The following ADAMTS7 variants were observed in gnomAD, a reference collection of about 807,000 sequenced individuals.
ADAMTS7 encodes A disintegrin and metalloproteinase with thrombospondin motifs 7.
A neutral mutation model predicts 172.6 loss-of-function variants in ADAMTS7; 89 were observed. The ratio of observed to expected loss-of-function variants is 0.52; its 90% CI spans 0.43 to 0.61. The LOEUF (loss-of-function observed/expected upper bound fraction) is 0.61, where lower values mean the gene tolerates loss of function less well. Ranked by LOEUF, ADAMTS7 falls within the 20% of genes least tolerant of loss-of-function variation. The probability of loss-of-function intolerance (pLI) is 0.00; values close to 1 mark genes in which losing one functional copy is unlikely to be tolerated. For missense variants in ADAMTS7, 1,973 were observed against 2,355.6 expected (o/e 0.84, Z 3.36); for synonymous variants, 885 against 978.4 (o/e 0.90, Z 1.78).
Position 78,773,269 on chromosome 15 carries a change from G to A in ADAMTS7, c.2011-66C>T. 2.9e-6 allele frequency: 4 copies of A among 1,369,770 alleles called. No individual in the cohort carries two copies. The South Asian group carries it at 5.2e-5, about 18-fold the overall frequency. 84.9% of individuals were successfully genotyped at this position (1,369,770 alleles called of 1,614,324 possible). On this transcript the variant is annotated intron_variant, in intron 13 of 23. Transcript: ENST00000388820. ...CAGCCCTCTGTGGCCCCAGCCCCGG[G>A]GCCAGCCAGAGTCAGGAGAAGAAAG...
chr15:78,767,733 A>G, intron 17 of ADAMTS7, 141 bp from the exon 18 acceptor site: 1 of 785,798 alleles, frequency 1.3e-6, no homozygotes, highest in Non-Finnish European at 2.0e-6. Context: ...GATTCTCCAG[A>G]GCTCCAAGCT....
intron 9 of ADAMTS7, 189 bp from the exon 10 acceptor site, chr15:78,777,030 G>A (rs1011978811): frequency 4.0e-5 from 24 of 599,854 alleles, no homozygotes; most frequent in Middle Eastern, 4.5e-4. Context: ...GGTGTGGGGC[G>A]CCCGGGGCTG....
chr15:78,786,368 T>C (rs1320411792), intron 8 of ADAMTS7, among the ~76,000 whole-genome samples: 4 of 152,186 alleles, frequency 2.6e-5, no homozygotes, highest in Non-Finnish European at 5.9e-5. Context: ...TCAGAACCTA[T>C]AATGTGTAGG....
intron 4 of ADAMTS7, among the ~76,000 whole-genome samples, chr15:78,795,433 T>C (rs1444530824): frequency 1.3e-5 from 2 of 152,118 alleles, no homozygotes; most frequent in African/African-American, 4.8e-5. Flanking sequence ...AGGACTCAAG[T>C]AGTGGGGACG....
In ADAMTS7 at chr15:78,771,405, A is replaced by AG; in HGVS notation, c.2377-103_2377-102insC. 1 of 1,579,408 alleles carries AG rather than the reference A, an allele frequency of 6.3e-7. No individual in the cohort carries two copies. The highest frequency in any genetic ancestry group is 1.7e-4 in the Middle Eastern group (1 of 6,008). On this transcript the variant is annotated intron_variant, in intron 15 of 23. Coordinates refer to ENST00000388820, the MANE Select transcript of ADAMTS7 (RefSeq NM_014272.5). This position sits in a 1 kb window ranked among gnomAD's most constrained non-coding sequence, Gnocchi z 4.9. Reference sequence around the variant, plus strand: ...CACCTCTGTGAACTGCAGCTACAAGATTGGGCCATTTTAAAGATGGGGAAA... The same window carrying AG: ...CACCTCTGTGAACTGCAGCTACAAGAGTTGGGCCATTTTAAAGATGGGGAAA...
At chr15:78,789,160 G>A (rs1188939679) in intron 7 of ADAMTS7, among the ~76,000 whole-genome samples, 1 of 152,356 alleles carries the variant, frequency 6.6e-6, no homozygotes, top group East Asian at 1.9e-4. Context: ...CTAAGATGCT[G>A]CCATATTCGC....
At chr15:78,764,422 C>T (rs761928761) in intron 20 of ADAMTS7, 133 bp downstream of exon 20, 11 of 1,221,838 alleles carry the variant, frequency 9.0e-6, no homozygotes, top group African/African-American at 3.1e-5. Flanking sequence ...ATTCAGAATC[C>T]GGTGTGATCG....
intron 23 of ADAMTS7, 64 bp downstream of exon 23, chr15:78,762,339 A>G (rs1035186833): frequency 1.5e-6 from 2 of 1,345,784 alleles, no homozygotes; most frequent in Non-Finnish European, 1.9e-6. Context: ...TGACGACCCC[A>G]TTTCCCCATC....
At chr15:78,806,078 T>C (rs1235073222) in intron 1 of ADAMTS7, among the ~76,000 whole-genome samples, 1 of 89,448 alleles carries the variant, frequency 1.1e-5, no homozygotes, top group African/African-American at 5.4e-5. Flanking sequence ...AGACTCTGAC[T>C]CCCCCCCCCA....
intron 8 of ADAMTS7, among the ~76,000 whole-genome samples, chr15:78,782,175 C>T (rs569703652): frequency 9.9e-5 from 15 of 152,156 alleles, no homozygotes; most frequent in East Asian, 5.8e-4. Context: ...GGATTATAGG[C>T]GTGCACCACC....
chr15:78,801,272 G>T (rs2055722083), intron 1 of ADAMTS7, among the ~76,000 whole-genome samples: 1 of 152,136 alleles, frequency 6.6e-6, no homozygotes, highest in African/African-American at 2.4e-5. Context: ...TGAGGCCCTA[G>T]GCAAGGTGAC....
At chr15:78,761,746 G>A (rs1481674279) in intron 23 of ADAMTS7, among the ~76,000 whole-genome samples, 4 of 151,118 alleles carry the variant, frequency 2.6e-5, no homozygotes, top group Non-Finnish European at 3.0e-5. Context: ...GTGTGTTGGC[G>A]TGTGTGTGTG....
chr15:78,803,259 C>T (rs2055748680), intron 1 of ADAMTS7, among the ~76,000 whole-genome samples: 1 of 151,826 alleles, frequency 6.6e-6, no homozygotes, highest in African/African-American at 2.4e-5. Context: ...ACTTGGAATG[C>T]TGAGGTGGGA....
Position 78,764,035 on chromosome 15 carries a change from A to G in ADAMTS7, c.4484T>C (p.Leu1495Pro). ...ACAATGGAAGGGCCGCAGTGGCCGG[A>G]GGTCCCGTGTGTCCACACACTGCAC... Reference protein sequence around the residue: ...RDVQCVDTRDLRPLRPFHCQP... With the variant: ...RDVQCVDTRDPRPLRPFHCQP... Residue 1495 changes from leucine (L) to proline (P), a missense_variant, in exon 21 of 24, where the codon CTC becomes CCC. Around this residue, in one of 8 missense-constraint regions of ADAMTS7, gnomAD observed 218 missense variants for 216.9 expected, o/e 1.01. Transcript: ENST00000388820. 1.3e-6 allele frequency: 2 copies of G among 1,540,026 alleles called. No individual in the cohort carries two copies. The highest frequency in any genetic ancestry group is 1.8e-6 in the Non-Finnish European group (2 of 1,142,004).
In ADAMTS7 at chr15:78,794,549, C is replaced by T. The variant is rs372067490; in HGVS notation, c.819+2041G>A. 2.0e-5 allele frequency among the ~76,000 whole-genome samples: 3 copies of T among 152,296 alleles called. 1 individual carries two copies. The highest frequency in any genetic ancestry group is 7.2e-5 in the African/African-American group (3 of 41,550). On this transcript the variant is annotated intron_variant, in intron 4 of 23. Coordinates refer to ENST00000388820, the MANE Select transcript of ADAMTS7 (RefSeq NM_014272.5). ...TGTCAGAGCAGGTGAGTGTGAGAAC[C>T]AGTCCCACCCTCTCCCCGAGGATGG...
At chr15:78,765,221 G>T (rs2055120089) in intron 19 of ADAMTS7, 4 of 244,448 alleles carry the variant, frequency 1.6e-5, no homozygotes, top group South Asian at 7.2e-5. Flanking sequence ...GCTTCTTTCT[G>T]GCAGCTCAGA....
In ADAMTS7 at chr15:78,785,595, A is replaced by G. The variant is rs542385535; in HGVS notation, c.1322+2636T>C. Among the ~76,000 whole-genome samples, 634 of 152,240 alleles carry G rather than the reference A, an allele frequency of 4.2e-3. 2 individuals are homozygous for G. Among genetic ancestry groups the G allele is most frequent in the African/African-American group, 0.014 (588 of 41,552 alleles). On this transcript the variant is annotated intron_variant, in intron 8 of 23. Transcript: ENST00000388820. Reference sequence around the variant, plus strand: ...AAAGAAAGAAATGCCATCTTATTACAACACTTAGTTCAGACATCAAGATTT... The same window carrying G: ...AAAGAAAGAAATGCCATCTTATTACGACACTTAGTTCAGACATCAAGATTT...
chr15:78,791,759 C>A (rs1036277871), intron 4 of ADAMTS7, among the ~76,000 whole-genome samples: 13 of 152,138 alleles, frequency 8.5e-5, no homozygotes, highest in Admixed American at 5.2e-4. Flanking sequence ...GCCTATGGAG[C>A]CTGCCCACTG....
rs1353892281 is a variant in ADAMTS7, at chr15:78,772,977, C to T, written c.2131+106G>A. 36 of 1,418,460 alleles carry T rather than the reference C, an allele frequency of 2.5e-5. No homozygotes were observed. The African/African-American group carries it at 3.4e-4, about 13-fold the overall frequency. The allele number at this position is 1,418,460 out of a possible 1,614,324, so 87.9% of individuals were successfully genotyped here. On this transcript the variant is annotated intron_variant, in intron 14 of 23. Coordinates refer to ENST00000388820, the MANE Select transcript of ADAMTS7 (RefSeq NM_014272.5). ...CAAGGCTTCCCTGCTTAGCCATCTC[C>T]AGGCTGGGTGGGGGCCACGAGGCCA...
Sources: allele counts gnomAD v4.1 joint callset (sites outside exome capture counted in the v4.1 genomes callset), GRCh38; gene constraint gnomAD v4.1.1; regional missense constraint gnomAD v4.1.1; non-coding constraint Gnocchi (gnomAD v3.1); transcripts MANE v1.5; gene names NCBI Gene and HGNC (gene_info 2026-07-23, HGNC 2026-07-21).